The following EYS variants were observed in gnomAD, a reference collection of about 807,000 sequenced individuals.
EYS encodes EGF-like photoreceptor maintenance factor.
In EYS, 250 loss-of-function variants were observed where a neutral mutation model predicts 282.1. That is an observed-to-expected ratio of 0.89 (90% CI 0.80 to 0.98). The LOEUF (loss-of-function observed/expected upper bound fraction) is 0.98. Ranked by LOEUF, EYS falls within the 50% of genes least tolerant of loss-of-function variation. The probability of loss-of-function intolerance (pLI) is 0.00; values close to 1 mark genes in which losing one functional copy is unlikely to be tolerated. For synonymous variants in EYS, 1,355 were observed against 1,282.9 expected, an observed-to-expected ratio of 1.06 and a Z score of -1.20; for missense variants, 4,016 against 3,709.0, an observed-to-expected ratio of 1.08 and a Z score of -2.15.
At chr6:64,214,893 T>G (rs565751574) in intron 31 of EYS, among the ~76,000 whole-genome samples, 1 of 152,150 alleles carries the variant, frequency 6.6e-6, no homozygotes, top group African/African-American at 2.4e-5. Flanking sequence ...CCATTTGATA[T>G]GTATGTAATA....
At position 64,405,958 on chromosome 6, in the gene EYS, C is replaced by T. The variant is rs1773692859; in HGVS notation, c.5928-17118G>A. 2.0e-5 allele frequency among the ~76,000 whole-genome samples: 3 copies of T among 152,268 alleles called. No individual in the cohort carries two copies. In the South Asian group the frequency reaches 6.2e-4, roughly 32 times the overall value. On this transcript the variant is annotated intron_variant, in intron 28 of 42. Transcript: ENST00000503581. ...TTCTTCACAGAATTGGAAAATACTA[C>T]TTTAAATTTCACATGGAACCAAAAA...
intron 31 of EYS, among the ~76,000 whole-genome samples, chr6:64,165,314 C>T (rs907698012): frequency 6.6e-6 from 1 of 151,978 alleles, no homozygotes; most frequent in African/African-American, 2.4e-5. Context: ...ATAGTAATTG[C>T]AGTGTTAATC....
At chr6:63,842,679 G>T (rs1581882373) in intron 36 of EYS, among the ~76,000 whole-genome samples, 1 of 152,202 alleles carries the variant, frequency 6.6e-6, no homozygotes, top group East Asian at 1.9e-4. Flanking sequence ...TGAAGTCTTT[G>T]CCCATGCCTA....
At chr6:64,736,478 T>A (rs1317875744) in intron 22 of EYS, among the ~76,000 whole-genome samples, 1 of 152,174 alleles carries the variant, frequency 6.6e-6, no homozygotes, top group South Asian at 2.1e-4. Context: ...TTGCACTAAC[T>A]CTATGACTCA....
chr6:65,209,211 G>T (rs1477008243), intron 12 of EYS, among the ~76,000 whole-genome samples: 1 of 150,928 alleles, frequency 6.6e-6, no homozygotes, highest in African/African-American at 2.4e-5. Flanking sequence ...AATAAATCAG[G>T]TAGTAAAATG....
intron 31 of EYS, among the ~76,000 whole-genome samples, chr6:64,220,781 G>A (rs951255890): frequency 6.6e-6 from 1 of 152,024 alleles, no homozygotes; most frequent in Non-Finnish European, 1.5e-5. Context: ...TGAATCTAAC[G>A]TTGTTTATTT....
chr6:64,309,861 A>G (rs1417510909), intron 29 of EYS, among the ~76,000 whole-genome samples: 1 of 151,786 alleles, frequency 6.6e-6, no homozygotes, highest in East Asian at 1.9e-4. Context: ...GCTACTCGGG[A>G]GGCTGTGGCA....
At chr6:65,509,400 A>G (rs141408120) in intron 2 of EYS, among the ~76,000 whole-genome samples, 27 of 152,282 alleles carry the variant, frequency 1.8e-4, no homozygotes, top group African/African-American at 6.5e-4. Flanking sequence ...AATACTTGGT[A>G]TGGGTGGTCT....
At chr6:64,747,695 C>A (rs114993761) in intron 22 of EYS, among the ~76,000 whole-genome samples, 1 of 152,124 alleles carries the variant, frequency 6.6e-6, no homozygotes, top group Non-Finnish European at 1.5e-5. Flanking sequence ...CACTTAATAG[C>A]GCCTTCATTT....
At chr6:63,835,270 T>C (rs1258317803) in intron 36 of EYS, among the ~76,000 whole-genome samples, 6 of 145,742 alleles carry the variant, frequency 4.1e-5, no homozygotes, top group South Asian at 2.1e-4. Flanking sequence ...TATATATATA[T>C]ACATATATAC....
chr6:65,587,493 TGCC>T (rs1765093566), intron 2 of EYS, among the ~76,000 whole-genome samples: 1 of 152,054 alleles, frequency 6.6e-6, no homozygotes, highest in African/African-American at 2.4e-5. Flanking sequence ...CTCTCCTTCC[TGCC>T]GCCATGTGAA....
intron 33 of EYS, among the ~76,000 whole-genome samples, chr6:64,027,581 A>T (rs1036875566): frequency 1.3e-5 from 2 of 152,226 alleles, no homozygotes; most frequent in African/African-American, 2.4e-5. Context: ...GCCCTCAGAC[A>T]AACAAACCTT....
At chr6:64,366,708 C>A (rs1772194053) in intron 29 of EYS, among the ~76,000 whole-genome samples, 1 of 151,924 alleles carries the variant, frequency 6.6e-6, no homozygotes, top group Non-Finnish European at 1.5e-5. Context: ...AACAGGGATC[C>A]TGAGTGATCT....
At chr6:64,196,507 A>G (rs1310379777) in intron 31 of EYS, among the ~76,000 whole-genome samples, 1 of 152,132 alleles carries the variant, frequency 6.6e-6, no homozygotes, top group Non-Finnish European at 1.5e-5. Context: ...ATGTCCAACA[A>G]TGATAGACTG....
rs568674779 is a variant in EYS, at chr6:64,439,364, G to C, written c.5645-12C>G. On this transcript the variant is annotated splice_polypyrimidine_tract_variant and intron_variant, in intron 26 of 42. Coordinates refer to ENST00000503581, the MANE Select transcript of EYS (RefSeq NM_001142800.2). ...AACACAACTGAAATCTGTGGAGTCA[G>C]AAAGAAAATACAATTTAGGTTGAAA... 1 of 1,465,058 alleles carries C rather than the reference G, an allele frequency of 6.8e-7. No individual in the cohort carries two copies. The highest frequency in any genetic ancestry group is 9.0e-7 in the Non-Finnish European group (1 of 1,107,250). The allele number at this position is 1,465,058 out of a possible 1,614,324, so 90.8% of individuals were successfully genotyped here.
intron 12 of EYS, among the ~76,000 whole-genome samples, chr6:65,141,921 A>G (rs905026948): frequency 6.6e-6 from 1 of 152,030 alleles, no homozygotes; most frequent in African/African-American, 2.4e-5. Flanking sequence ...CTCTAAAAAA[A>G]TTTTTGAGGA....
At chr6:65,330,279 A>G (rs1769748059) in intron 11 of EYS, 1 of 945,916 alleles carries the variant, frequency 1.1e-6, no homozygotes, top group Non-Finnish European at 1.3e-6. Context: ...TAATAAATGT[A>G]TGAATGAATA....
chr6:63,974,328 C>T (rs1216232122), intron 35 of EYS, among the ~76,000 whole-genome samples: 1 of 151,684 alleles, frequency 6.6e-6, no homozygotes, highest in African/African-American at 2.4e-5. Flanking sequence ...TAAAAAAAAC[C>T]ATTAATAAAT....
chr6:65,194,382 C>T (rs987260347), intron 12 of EYS, among the ~76,000 whole-genome samples: 1 of 151,888 alleles, frequency 6.6e-6, no homozygotes, highest in African/African-American at 2.4e-5. Flanking sequence ...ACAGAATATT[C>T]ATAGTCACAT....
Sources: allele counts gnomAD v4.1 joint callset (sites outside exome capture counted in the v4.1 genomes callset), GRCh38; gene constraint gnomAD v4.1.1; transcripts MANE v1.5; gene names NCBI Gene and HGNC (gene_info 2026-07-23, HGNC 2026-07-21).